Variants in MATN2 observed in about 807,000 individuals in gnomAD.
MATN2 encodes the protein matrilin-2.
MATN2 carries 69 observed loss-of-function variants against 103.2 expected under a neutral mutation model. That is an observed-to-expected ratio of 0.67 (90% CI 0.55 to 0.82). The LOEUF (loss-of-function observed/expected upper bound fraction) is 0.82. Among genes scored for constraint, MATN2 ranks in the 40% least tolerant of loss-of-function variants. The probability of loss-of-function intolerance (pLI) is 0.00; values close to 1 mark genes in which losing one functional copy is unlikely to be tolerated. For synonymous variants in MATN2, 429 were observed against 450.2 expected (o/e 0.95, Z 0.60); for missense variants, 1,023 against 1,211.5 (o/e 0.84, Z 2.31).
chr8:98,027,940 C>T (rs1174298091), intron 14 of MATN2, 111 bp downstream of exon 14: 2 of 1,113,652 alleles, frequency 1.8e-6, no homozygotes, highest in Admixed American at 6.2e-5. Context: ...TACAGAAAGG[C>T]CTCCTGGCAA....
At chr8:97,983,860 A>G (rs1019657755) in intron 6 of MATN2, among the ~76,000 whole-genome samples, 8 of 152,242 alleles carry the variant, frequency 5.3e-5, no homozygotes, top group African/African-American at 1.7e-4. Context: ...TATGTTGCTC[A>G]GGTTGGACTA....
chr8:97,934,752 C>A (rs1810317638), intron 3 of MATN2, among the ~76,000 whole-genome samples: 1 of 152,146 alleles, frequency 6.6e-6, no homozygotes, highest in Non-Finnish European at 1.5e-5. Context: ...AGAAAAGGAG[C>A]AGGTAGGGGA....
intron 1 of MATN2, among the ~76,000 whole-genome samples, chr8:97,886,616 C>T (rs1425118640): frequency 6.6e-6 from 1 of 152,182 alleles, no homozygotes; most frequent in Non-Finnish European, 1.5e-5. Context: ...TGAGCTAGTT[C>T]AATACAGCAA....
intron 6 of MATN2, among the ~76,000 whole-genome samples, chr8:97,993,151 T>A (rs1278010237): frequency 6.6e-6 from 1 of 152,164 alleles, no homozygotes; most frequent in South Asian, 2.1e-4. Flanking sequence ...AACATTTCCA[T>A]AAGTTTAAAT....
intron 1 of MATN2, among the ~76,000 whole-genome samples, chr8:97,876,570 C>T (rs1047996558): frequency 6.6e-6 from 1 of 151,912 alleles, no homozygotes; most frequent in African/African-American, 2.4e-5. Context: ...GCAATCTGCT[C>T]GGCTCAGCCT....
At chr8:98,013,969 C>T (rs1388241770) in intron 10 of MATN2, among the ~76,000 whole-genome samples, 3 of 152,088 alleles carry the variant, frequency 2.0e-5, no homozygotes, top group African/African-American at 7.2e-5. Context: ...ATTAGCTAAG[C>T]ATGGTGGCAT....
In MATN2 at chr8:98,007,300, A is replaced by G; in HGVS notation, c.1450+73A>G. On this transcript the variant is annotated intron_variant, in intron 9 of 18. Transcript: ENST00000254898. This position sits in a 1 kb window ranked among gnomAD's most constrained non-coding sequence, Gnocchi z 4.2. ...TGAAACCTATGTGACTGCAGAGGGCACAGGTTGTACTTGGGCACCCCTCCC... is the reference window on the plus strand; with the variant it reads ...TGAAACCTATGTGACTGCAGAGGGCGCAGGTTGTACTTGGGCACCCCTCCC... 1.9e-6 allele frequency: 3 copies of G among 1,599,828 alleles called. No homozygotes were observed. Among genetic ancestry groups the G allele is most frequent in the Non-Finnish European group, 2.6e-6 (3 of 1,169,928 alleles).
intron 7 of MATN2, among the ~76,000 whole-genome samples, chr8:98,002,012 G>A (rs1483215099): frequency 6.6e-6 from 1 of 152,136 alleles, no homozygotes; most frequent in Non-Finnish European, 1.5e-5. Context: ...GAACAATGCT[G>A]TGCAGTTAAA....
At chr8:97,923,872 T>C (rs1809898884) in intron 2 of MATN2, among the ~76,000 whole-genome samples, 1 of 152,162 alleles carries the variant, frequency 6.6e-6, no homozygotes, top group Non-Finnish European at 1.5e-5. Context: ...TCAGCCACCT[T>C]CTTCTCTTAT....
intron 5 of MATN2, among the ~76,000 whole-genome samples, chr8:97,968,213 T>C (rs1483314569): frequency 1.3e-5 from 2 of 152,220 alleles, no homozygotes; most frequent in East Asian, 1.9e-4. Context: ...ATCATTTTTT[T>C]CCCCTAGGCC....
rs112797996 is a variant in MATN2, at chr8:97,968,276, T to C, written c.958+6746T>C. The stretch of plus-strand genomic sequence containing the variant: ...TGCCTAGAAGATCTCTGAAATGCCT[T>C]TGAGGCCTTTTTCCCATGTCTTGGA... On this transcript the variant is annotated intron_variant, in intron 5 of 18. Coordinates refer to ENST00000254898, the MANE Select transcript of MATN2 (RefSeq NM_002380.5). 1.6e-3 allele frequency among the ~76,000 whole-genome samples: 245 copies of C among 152,324 alleles called. 2 individuals carry two copies. The highest frequency in any genetic ancestry group is 5.5e-3 in the African/African-American group (228 of 41,578).
chr8:97,900,715 C>T (rs1818950335), intron 2 of MATN2, among the ~76,000 whole-genome samples: 2 of 152,148 alleles, frequency 1.3e-5, no homozygotes, highest in South Asian at 4.1e-4. Context: ...GTGGGCGGAT[C>T]ACGAGGTCAG....
At chr8:97,952,741 A>AT (rs1381998066) in intron 4 of MATN2, among the ~76,000 whole-genome samples, 5 of 152,124 alleles carry the variant, frequency 3.3e-5, no homozygotes, top group Admixed American at 3.3e-4. Flanking sequence ...TGTCAGATAC[A>AT]TGCTAATGGT....
chr8:97,988,447 A>G (rs1012945856), intron 6 of MATN2, among the ~76,000 whole-genome samples: 1 of 143,208 alleles, frequency 7.0e-6, no homozygotes, highest in Non-Finnish European at 1.5e-5. Context: ...GTAACATAGC[A>G]AGACCCCATC....
intron 8 of MATN2, 177 bp downstream of exon 8, chr8:98,003,960 G>A (rs2513806): frequency 0.15 from 104,731 of 679,358 alleles, 8,441 homozygotes; most frequent in Middle Eastern, 0.19. Flanking sequence ...TAATGCTATC[G>A]GCCTAGCCAA....
At position 97,994,586 on chromosome 8, in the gene MATN2, T is replaced by G. The variant is rs1812505299; in HGVS notation, c.1188T>G (p.Asp396Glu). 2.5e-6 allele frequency: 4 copies of G among 1,612,650 alleles called. No individual in the cohort carries two copies. The highest frequency in any genetic ancestry group is 3.4e-6 in the Non-Finnish European group (4 of 1,179,634). Residue 396 changes from aspartate to glutamate, a missense_variant, in exon 7 of 19, where the codon GAT (aspartate) becomes GAG (glutamate). Coordinates refer to ENST00000254898, the MANE Select transcript of MATN2 (RefSeq NM_002380.5). ...TGAAAGGCTTTACCCTGAATCCAGATAAGAAAACCTGCAGAAGTAAGTTAC... is the reference window on the plus strand; with the variant it reads ...TGAAAGGCTTTACCCTGAATCCAGAGAAGAAAACCTGCAGAAGTAAGTTAC... ...HCLKGFTLNP[D>E]KKTCRRINYC... is the part of the protein sequence containing the mutation.
At chr8:97,927,645 G>C (rs1326902332) in intron 2 of MATN2, among the ~76,000 whole-genome samples, 2 of 152,178 alleles carry the variant, frequency 1.3e-5, no homozygotes, top group Non-Finnish European at 2.9e-5. Context: ...TTTCAACTCA[G>C]AATTACAGCT....
chr8:98,032,960 C>A, intron 16 of MATN2, 82 bp from the exon 17 acceptor site: 1 of 1,373,394 alleles, frequency 7.3e-7, no homozygotes, highest in South Asian at 1.6e-5. Context: ...GCTAGGAATA[C>A]CAAGTACCTT....
intron 2 of MATN2, among the ~76,000 whole-genome samples, chr8:97,894,311 C>A (rs1008222983): frequency 7.2e-6 from 1 of 138,720 alleles, no homozygotes; most frequent in East Asian, 2.2e-4. Context: ...TGAAGAAAAT[C>A]TAAGAATTCA....
Sources: gnomAD v4.1 joint callset for allele counts (sites outside exome capture counted in the v4.1 genomes callset) on GRCh38, gnomAD v4.1.1 for gene constraint, Gnocchi (gnomAD v3.1) non-coding constraint, MANE v1.5 for transcripts, NCBI Gene and HGNC (gene_info 2026-07-23, HGNC 2026-07-21) for gene names.